Variants in HOOK3 observed in about 807,000 individuals in gnomAD.
The protein encoded by HOOK3 is hook microtubule tethering protein 3.
A neutral mutation model predicts 116.3 loss-of-function variants in HOOK3; 24 were observed. The ratio of observed to expected loss-of-function variants is 0.21; its 90% confidence interval spans 0.15 to 0.29. The LOEUF is 0.29. Ranked by LOEUF, HOOK3 falls within the 10% of genes least tolerant of loss-of-function variation. The probability of loss-of-function intolerance (pLI) is 1.00; values close to 1 mark genes in which losing one functional copy is unlikely to be tolerated. For synonymous variants in HOOK3, 275 were observed against 283.0 expected, an observed-to-expected ratio of 0.97 and a Z score of 0.28; for missense variants, 632 against 830.2, an observed-to-expected ratio of 0.76 and a Z score of 2.93.
intron 13 of HOOK3, among the ~76,000 whole-genome samples, chr8:42,977,609 G>A (rs1432250255): frequency 1.3e-5 from 2 of 152,186 alleles, no homozygotes; most frequent in Non-Finnish European, 2.9e-5. Flanking sequence ...GCTCACACCT[G>A]TGGTCCCAGC....
intron 4 of HOOK3, among the ~76,000 whole-genome samples, chr8:42,934,176 C>A (rs977436400): frequency 6.6e-6 from 1 of 151,958 alleles, no homozygotes; most frequent in Non-Finnish European, 1.5e-5. Flanking sequence ...CCCTTTCTCT[C>A]GTTTTTTCTC....
intron 15 of HOOK3, among the ~76,000 whole-genome samples, chr8:42,991,040 A>G (rs1809150525): frequency 6.6e-6 from 1 of 152,198 alleles, no homozygotes; most frequent in Non-Finnish European, 1.5e-5. Flanking sequence ...CCTTTTATCA[A>G]AGAGACTGCC....
chr8:42,975,016 T>G (rs987137190), intron 13 of HOOK3, among the ~76,000 whole-genome samples: 7 of 151,724 alleles, frequency 4.6e-5, no homozygotes, highest in Non-Finnish European at 1.0e-4. Context: ...GGATATGAAC[T>G]CCCCTCCTTG....
chr8:42,901,189 T>C (rs1316883810), intron 1 of HOOK3, among the ~76,000 whole-genome samples: 1 of 152,218 alleles, frequency 6.6e-6, no homozygotes, highest in Non-Finnish European at 1.5e-5. Context: ...CATGCTTTAC[T>C]CTTCTCATGC....
chr8:42,982,699 A>G lies in HOOK3; in HGVS notation c.1391+3A>G, dbSNP rs1251656858. The G allele has an allele frequency of 1.9e-6, 3 of 1,603,598 alleles. No homozygotes were observed. The South Asian group carries it at 3.3e-5, about 18-fold the overall frequency. On this transcript the variant is annotated splice_donor_region_variant and intron_variant, in intron 14 of 21. Transcript: ENST00000307602. ...GAGATTGTTACACCTGAAATCAGGTAAGGAGATTGTGGTGTTCACACTTAC... is the reference window on the plus strand; with the variant it reads ...GAGATTGTTACACCTGAAATCAGGTGAGGAGATTGTGGTGTTCACACTTAC...
intron 6 of HOOK3, among the ~76,000 whole-genome samples, chr8:42,952,841 T>A (rs754958309): frequency 6.6e-6 from 1 of 152,166 alleles, no homozygotes; most frequent in Non-Finnish European, 1.5e-5. Flanking sequence ...CCAAGCAAGA[T>A]ATGAGTTTAA....
intron 1 of HOOK3, among the ~76,000 whole-genome samples, chr8:42,904,227 G>C (rs189175482): frequency 6.7e-6 from 1 of 149,434 alleles, no homozygotes; most frequent in African/African-American, 2.5e-5. Flanking sequence ...CTTCATCCGT[G>C]TTAGTATATA....
intron 15 of HOOK3, among the ~76,000 whole-genome samples, chr8:42,993,492 T>C (rs1289780714): frequency 4.6e-5 from 7 of 152,158 alleles, no homozygotes; most frequent in Admixed American, 4.6e-4. Flanking sequence ...CTTTGTTTCG[T>C]TTTGGTATCA....
chr8:42,900,625 A>G lies in HOOK3; in HGVS notation c.57+3437A>G, dbSNP rs182976083. On this transcript the variant is annotated intron_variant, in intron 1 of 21. Transcript: ENST00000307602. ...ATTTTTGTCCTCTAATGGAAGAATA[A>G]GTCACTGATGTACAAAAGTTAAAGT... Among the ~76,000 whole-genome samples the G allele has an allele frequency of 2.8e-4, 42 of 152,312 alleles. 1 individual carries two copies. The highest frequency in any genetic ancestry group is 2.7e-3 in the Admixed American group (42 of 15,304).
chr8:42,941,135 C>G (rs1011492105), intron 4 of HOOK3, among the ~76,000 whole-genome samples: 1 of 151,546 alleles, frequency 6.6e-6, no homozygotes, highest in Non-Finnish European at 1.5e-5. Context: ...TTAGTAGAGA[C>G]GGGATTTTAC....
intron 17 of HOOK3, among the ~76,000 whole-genome samples, chr8:43,004,679 T>TAAAA (rs71231881): frequency 1.2e-5 from 1 of 86,650 alleles, no homozygotes; most frequent in Admixed American, 1.4e-4. Flanking sequence ...AGACTCCATC[T>TAAAA]AAAAAAAAAA....
intron 21 of HOOK3, among the ~76,000 whole-genome samples, chr8:43,014,438 G>A (rs7823156): frequency 1 from 151,892 of 151,904 alleles, 75,940 homozygotes; most frequent in Middle Eastern, 1. Flanking sequence ...TGCAACCTCC[G>A]CCTCCCAGGT....
At position 42,960,092 on chromosome 8, in the gene HOOK3, C is replaced by T. The variant is rs573483554; in HGVS notation, c.615+778C>T. Among the ~76,000 whole-genome samples, 7 of 152,274 alleles carry T rather than the reference C, an allele frequency of 4.6e-5. No homozygotes were observed. The South Asian group carries it at 6.2e-4, about 14-fold the overall frequency. ...CATTTCAGATTTTAGAATTTATATACAAATGCTAAGAGTTATACTAATAAG... is the reference window on the plus strand; with the variant it reads ...CATTTCAGATTTTAGAATTTATATATAAATGCTAAGAGTTATACTAATAAG... On this transcript the variant is annotated intron_variant, in intron 8 of 21. Coordinates refer to ENST00000307602, the MANE Select transcript of HOOK3 (RefSeq NM_032410.4).
At chr8:42,983,188 G>A (rs1332718873) in intron 14 of HOOK3, among the ~76,000 whole-genome samples, 1 of 152,014 alleles carries the variant, frequency 6.6e-6, no homozygotes, top group East Asian at 1.9e-4. Flanking sequence ...CAAAAAATTA[G>A]CCATGTGTGG....
At chr8:42,897,823 C>T (rs911323581) in intron 1 of HOOK3, among the ~76,000 whole-genome samples, 1 of 151,374 alleles carries the variant, frequency 6.6e-6, no homozygotes, top group African/African-American at 2.4e-5. Context: ...GAAGTAAATA[C>T]ATGTTCACCT....
intron 4 of HOOK3, among the ~76,000 whole-genome samples, chr8:42,932,445 C>T (rs1397706103): frequency 6.6e-6 from 1 of 152,126 alleles, no homozygotes. Context: ...TCATCCTGAG[C>T]CAGGTCTCAC....
At chr8:43,018,226 T>C (rs1809757902) in intron 21 of HOOK3, 132 bp from the exon 22 acceptor site, 1 of 791,118 alleles carries the variant, frequency 1.3e-6, no homozygotes, top group South Asian at 2.6e-5. Flanking sequence ...TTTTAATCTA[T>C]AGTGAGTAGT....
intron 12 of HOOK3, 130 bp from the exon 13 acceptor site, chr8:42,973,977 A>G (rs1808772354): frequency 8.4e-6 from 6 of 712,188 alleles, no homozygotes; most frequent in East Asian, 5.0e-5. Context: ...TGATCTTTCC[A>G]TAGAAAAGCA....
At chr8:42,980,731 A>G (rs2130443749) in intron 13 of HOOK3, among the ~76,000 whole-genome samples, 1 of 152,220 alleles carries the variant, frequency 6.6e-6, no homozygotes, top group Middle Eastern at 3.4e-3. Context: ...TAAAATTACA[A>G]GAACTATCTG....
Sources: allele counts gnomAD v4.1 joint callset (sites outside exome capture counted in the v4.1 genomes callset), GRCh38; gene constraint gnomAD v4.1.1; transcripts MANE v1.5; gene names NCBI Gene and HGNC (gene_info 2026-07-23, HGNC 2026-07-21).